Variants in UNC13C observed in about 807,000 individuals in gnomAD.
UNC13C encodes the protein unc-13 homolog C.
Under a neutral mutation model 245.4 loss-of-function variants are expected in UNC13C, and 174 were observed. The ratio of observed to expected loss-of-function variants is 0.71; its 90% CI spans 0.63 to 0.80. The LOEUF (loss-of-function observed/expected upper bound fraction) is 0.80, where lower values mean the gene tolerates loss of function less well. Among genes scored for constraint, UNC13C ranks in the 30% least tolerant of loss-of-function variants. The pLI is 0.00. For missense variants in UNC13C, 2,829 were observed against 2,602.9 expected, an observed-to-expected ratio of 1.09 and a Z score of -1.89; for synonymous variants, 992 against 895.1, an observed-to-expected ratio of 1.11 and a Z score of -1.93.
intron 17 of UNC13C, among the ~76,000 whole-genome samples, chr15:54,370,026 C>T (rs181337077): frequency 3.4e-4 from 51 of 152,196 alleles, no homozygotes; most frequent in Non-Finnish European, 6.6e-4. Flanking sequence ...TTGTACTTAA[C>T]AGTGTTTGTT....
chr15:53,884,656 C>CTTCCA, the UNC13C span, among the ~76,000 whole-genome samples: 15 of 152,212 alleles, frequency 9.9e-5, no homozygotes, highest in African/African-American at 3.6e-4. Flanking sequence ...TCTTTACTTG[C>CTTCCA]TTCCATTCCA....
chr15:54,025,149 A>C (rs1000419163), intron 2 of UNC13C, among the ~76,000 whole-genome samples: 3 of 152,232 alleles, frequency 2.0e-5, no homozygotes, highest in Non-Finnish European at 2.9e-5. Flanking sequence ...ATTTAGAATA[A>C]GTATGTCTCT....
intron 4 of UNC13C, among the ~76,000 whole-genome samples, chr15:54,227,732 T>C (rs2035432332): frequency 6.6e-6 from 1 of 152,192 alleles, no homozygotes; most frequent in African/African-American, 2.4e-5. Context: ...GGGATGCCCA[T>C]GTCCAGCACC....
At chr15:54,423,200 C>G (rs1000201796) in intron 19 of UNC13C, among the ~76,000 whole-genome samples, 1 of 151,464 alleles carries the variant, frequency 6.6e-6, no homozygotes, top group Non-Finnish European at 1.5e-5. Flanking sequence ...GATGTTATGA[C>G]CCACTGATGG....
intron 2 of UNC13C, among the ~76,000 whole-genome samples, chr15:54,020,291 T>C (rs75310159): frequency 1.3e-5 from 2 of 150,842 alleles, no homozygotes. Flanking sequence ...TTTTTTTTTT[T>C]TGAGATGAAG....
Position 54,363,028 on chromosome 15 carries a change from A to G in UNC13C, c.4713+24539A>G, listed in dbSNP as rs990632757. ...CCCACAAGTGCAAGATCTCAGAGATAGGAGAAGGTTGATGCCTTTCAGAGC... is the reference window on the plus strand; with the variant it reads ...CCCACAAGTGCAAGATCTCAGAGATGGGAGAAGGTTGATGCCTTTCAGAGC... On this transcript the variant is annotated intron_variant, in intron 17 of 32. Coordinates refer to ENST00000260323, the MANE Select transcript of UNC13C (RefSeq NM_001080534.3). 4.6e-5 allele frequency among the ~76,000 whole-genome samples: 7 copies of G among 152,236 alleles called. 1 individual carries two copies. Among genetic ancestry groups the G allele is most frequent in the Non-Finnish European group, 1.0e-4 (7 of 68,042 alleles).
chr15:53,969,935 A>G, the UNC13C span, among the ~76,000 whole-genome samples: 1 of 152,088 alleles, frequency 6.6e-6, no homozygotes, highest in Non-Finnish European at 1.5e-5. Flanking sequence ...TACTTTAGAT[A>G]TCTAAAATAA....
chr15:53,869,235 T>C, the UNC13C span, among the ~76,000 whole-genome samples: 1 of 152,220 alleles, frequency 6.6e-6, no homozygotes, highest in Non-Finnish European at 1.5e-5. Context: ...GTTACGTGGA[T>C]GGCCACATGG....
At chr15:54,389,760 G>A (rs754683122) in intron 17 of UNC13C, among the ~76,000 whole-genome samples, 6 of 150,506 alleles carry the variant, frequency 4.0e-5, no homozygotes, top group Non-Finnish European at 7.4e-5. Flanking sequence ...ATGGAATCTC[G>A]ATCTGTTGTC....
the UNC13C span, among the ~76,000 whole-genome samples, chr15:53,855,899 CAG>C: frequency 1.4e-4 from 22 of 152,216 alleles, no homozygotes; most frequent in African/African-American, 5.1e-4. Context: ...TGGTAGAATT[CAG>C]ACCTGAGTCC....
At chr15:54,481,212 T>A (rs1276364834) in intron 19 of UNC13C, among the ~76,000 whole-genome samples, 1 of 152,140 alleles carries the variant, frequency 6.6e-6, no homozygotes, top group Non-Finnish European at 1.5e-5. Context: ...ATGCTAGGCA[T>A]GCTGGTCCTC....
chr15:54,302,102 A>G (rs550587364), intron 13 of UNC13C, among the ~76,000 whole-genome samples: 6 of 152,100 alleles, frequency 3.9e-5, no homozygotes, highest in African/African-American at 1.4e-4. Context: ...TGAGAAGTGT[A>G]AGTACATATC....
chr15:54,089,167 G>A (rs1325383399), intron 2 of UNC13C, among the ~76,000 whole-genome samples: 2 of 152,156 alleles, frequency 1.3e-5, no homozygotes, highest in Non-Finnish European at 2.9e-5. Context: ...GAACCTGCCA[G>A]GTTATCTTCC....
chr15:54,260,419 A>G (rs537696257), intron 8 of UNC13C, among the ~76,000 whole-genome samples: 12 of 152,042 alleles, frequency 7.9e-5, no homozygotes, highest in Non-Finnish European at 1.6e-4. Flanking sequence ...GAGGTAGGTG[A>G]CTTTAGAGTA....
intron 2 of UNC13C, among the ~76,000 whole-genome samples, chr15:54,090,259 G>T (rs190046233): frequency 8.0e-5 from 12 of 149,734 alleles, no homozygotes; most frequent in South Asian, 2.1e-4. Context: ...TACTGTTTGA[G>T]AAAAAAGTAT....
intron 19 of UNC13C, among the ~76,000 whole-genome samples, chr15:54,447,844 T>C (rs976975907): frequency 2.6e-5 from 4 of 152,220 alleles, no homozygotes; most frequent in African/African-American, 9.6e-5. Context: ...CTTGCTTTTC[T>C]AGTTCTTTTA....
chr15:54,277,936 T>C (rs1299888218), intron 10 of UNC13C, among the ~76,000 whole-genome samples: 3 of 152,186 alleles, frequency 2.0e-5, no homozygotes, highest in African/African-American at 7.2e-5. Context: ...TTTTGGAGGC[T>C]ACTCTACAGT....
chr15:54,088,058 T>TTATATA lies in UNC13C; in HGVS notation c.2984-54950_2984-54945dup, dbSNP rs68078085. Among the ~76,000 whole-genome samples, 20 of 150,890 alleles carry TTATATA rather than the reference T, an allele frequency of 1.3e-4. No individual in the cohort carries two copies. The South Asian group carries it at 4.0e-3, about 30-fold the overall frequency. On this transcript the variant is annotated intron_variant, in intron 2 of 32. Coordinates refer to ENST00000260323, the MANE Select transcript of UNC13C (RefSeq NM_001080534.3). The stretch of plus-strand genomic sequence containing the variant: ...CTATATAGCCTACAAATCCTGAATA[T>TTATATA]TATATATATATATATCTTGATTTTA...
intron 4 of UNC13C, among the ~76,000 whole-genome samples, chr15:54,153,229 C>G (rs1311901153): frequency 6.6e-6 from 1 of 152,020 alleles, no homozygotes; most frequent in African/African-American, 2.4e-5. Context: ...AGTTTTTAGT[C>G]TGTCTTAACA....
Sources: allele counts gnomAD v4.1 joint callset (sites outside exome capture counted in the v4.1 genomes callset), GRCh38; gene constraint gnomAD v4.1.1; transcripts MANE v1.5; gene names NCBI Gene and HGNC (gene_info 2026-07-23, HGNC 2026-07-21).